The following LDLRAD4 variants were observed in gnomAD, a reference collection of about 807,000 sequenced individuals.
LDLRAD4 encodes low-density lipoprotein receptor class A domain-containing protein 4.
LDLRAD4 carries 5 observed loss-of-function variants against 17.0 expected under a neutral mutation model. The ratio of observed to expected loss-of-function variants is 0.29; its 90% CI spans 0.15 to 0.62. The LOEUF is 0.62. LDLRAD4 is among the 20% of genes least tolerant of loss of function. The probability of loss-of-function intolerance (pLI) is 0.84; values close to 1 mark genes in which losing one functional copy is unlikely to be tolerated. For missense variants in LDLRAD4, 340 were observed against 424.7 expected, an observed-to-expected ratio of 0.80 and a Z score of 1.75; for synonymous variants, 168 against 171.8, an observed-to-expected ratio of 0.98 and a Z score of 0.17.
intron 2 of LDLRAD4, among the ~76,000 whole-genome samples, chr18:13,389,474 G>A (rs1439147897): frequency 1.3e-5 from 2 of 152,190 alleles, no homozygotes; most frequent in East Asian, 3.9e-4. Flanking sequence ...AGGCAGCTGG[G>A]GAGGAGCGGC....
intron 3 of LDLRAD4, chr18:13,521,006 A>C (rs1444940693): frequency 6.6e-6 from 1 of 152,224 alleles, no homozygotes; most frequent in African/African-American, 2.4e-5. Context: ...AAGACTCGCC[A>C]TTGGAGGTAG....
At chr18:13,382,728 G>A (rs1038788198) in intron 1 of LDLRAD4, 1 of 152,318 alleles carries the variant, frequency 6.6e-6, no homozygotes, top group African/African-American at 2.4e-5. Context: ...TGCGTCCTGG[G>A]TAAGTTGCCT....
intron 4 of LDLRAD4, among the ~76,000 whole-genome samples, chr18:13,626,524 A>G (rs1397323388): frequency 6.6e-6 from 1 of 152,186 alleles, no homozygotes; most frequent in Non-Finnish European, 1.5e-5. Flanking sequence ...AGGGACAGGG[A>G]CCTTTACCCA....
chr18:13,642,128 G>GTA (rs2042627169), intron 4 of LDLRAD4: 1 of 985,524 alleles, frequency 1.0e-6, no homozygotes, highest in African/African-American at 1.7e-5. Context: ...CTGGACCGCC[G>GTA]TATACGTTTG....
At position 13,455,438 on chromosome 18, in the gene LDLRAD4, G is replaced by A. The variant is rs139231864; in HGVS notation, c.181+17054G>A. ...GTTTGATGTGACATCTATGAGGCCC[G>A]TAAAGGTCATGAGATGCCCTTGGGT... is the stretch of plus-strand genomic sequence containing the variant. On this transcript the variant is annotated intron_variant, in intron 3 of 5. Coordinates refer to ENST00000359446, the Ensembl canonical transcript of LDLRAD4. Among the ~76,000 whole-genome samples the A allele has an allele frequency of 2.9e-3, 436 of 152,286 alleles. 2 individuals carry two copies. Among genetic ancestry groups the A allele is most frequent in the Middle Eastern group, 0.01 (3 of 294 alleles).
At chr18:13,455,389 G>T (rs2092072603) in intron 3 of LDLRAD4, among the ~76,000 whole-genome samples, 1 of 152,206 alleles carries the variant, frequency 6.6e-6, no homozygotes, top group South Asian at 2.1e-4. Flanking sequence ...ATTGTCTCAA[G>T]TGGGATGTGG....
At chr18:13,484,703 A>G (rs1432083702) in intron 3 of LDLRAD4, among the ~76,000 whole-genome samples, 1 of 152,186 alleles carries the variant, frequency 6.6e-6, no homozygotes, top group African/African-American at 2.4e-5. Flanking sequence ...AATTAAAAAG[A>G]TCTGACTCCC....
At chr18:13,297,955 C>G (rs1303396055) in intron 1 of LDLRAD4, among the ~76,000 whole-genome samples, 1 of 152,228 alleles carries the variant, frequency 6.6e-6, no homozygotes, top group African/African-American at 2.4e-5. Context: ...TGGGCCCTCT[C>G]TTAGTTATAG....
chr18:13,466,306 A>G (rs1253896739), intron 3 of LDLRAD4, among the ~76,000 whole-genome samples: 1 of 151,968 alleles, frequency 6.6e-6, no homozygotes, highest in Non-Finnish European at 1.5e-5. Context: ...GCCTGTTTCT[A>G]CAAAAAATAC....
intron 4 of LDLRAD4, among the ~76,000 whole-genome samples, chr18:13,638,842 T>A (rs576754320): frequency 6.6e-6 from 1 of 152,210 alleles, no homozygotes; most frequent in Non-Finnish European, 1.5e-5. Flanking sequence ...CTCCCAGCCC[T>A]TGGGGACATG....
chr18:13,283,670 C>T (rs2045425829), intron 1 of LDLRAD4, among the ~76,000 whole-genome samples: 1 of 152,214 alleles, frequency 6.6e-6, no homozygotes, highest in African/African-American at 2.4e-5. Context: ...TTCTTCTGAG[C>T]CCTTCAAACT....
chr18:13,530,084 T>C (rs1345696969), intron 3 of LDLRAD4, among the ~76,000 whole-genome samples: 2 of 152,218 alleles, frequency 1.3e-5, no homozygotes, highest in African/African-American at 4.8e-5. Flanking sequence ...TGCCCGATCA[T>C]AAAATTCACA....
chr18:13,295,420 G>A (rs1454947203), intron 1 of LDLRAD4, among the ~76,000 whole-genome samples: 1 of 152,200 alleles, frequency 6.6e-6, no homozygotes, highest in African/African-American at 2.4e-5. Flanking sequence ...AGTGGCTCCT[G>A]TGTGTGGAAG....
At chr18:13,503,097 T>G (rs2093638275) in intron 3 of LDLRAD4, among the ~76,000 whole-genome samples, 1 of 152,228 alleles carries the variant, frequency 6.6e-6, no homozygotes, top group Non-Finnish European at 1.5e-5. Context: ...GTGGTTTATC[T>G]ATGGCCACCA....
chr18:13,348,037 G>A (rs2144292130), intron 1 of LDLRAD4, among the ~76,000 whole-genome samples: 1 of 152,308 alleles, frequency 6.6e-6, no homozygotes, highest in East Asian at 1.9e-4. Context: ...TTAGCTCAGA[G>A]TAGTTTGATC....
intron 3 of LDLRAD4, chr18:13,488,544 C>A: frequency 6.6e-6 from 1 of 152,380 alleles, no homozygotes; most frequent in Non-Finnish European, 1.5e-5. Flanking sequence ...CCCAGGCAGC[C>A]CTGTGCACTA....
At position 13,427,142 on chromosome 18, in the gene LDLRAD4, C is replaced by T. The variant is rs112048420; in HGVS notation, c.41-11102C>T. 4.0e-3 allele frequency among the ~76,000 whole-genome samples: 602 copies of T among 152,172 alleles called. 6 individuals carry two copies. The highest frequency in any genetic ancestry group is 0.013 in the African/African-American group (545 of 41,512). ...CGGAGATTGCAGTGAGCCGAGATTGCGCCACTGCACTCCAGCCTGGCAACA... is the reference window on the plus strand; with the variant it reads ...CGGAGATTGCAGTGAGCCGAGATTGTGCCACTGCACTCCAGCCTGGCAACA... On this transcript the variant is annotated intron_variant, in intron 2 of 5. Coordinates refer to ENST00000359446, the Ensembl canonical transcript of LDLRAD4.
intron 4 of LDLRAD4, among the ~76,000 whole-genome samples, chr18:13,640,175 C>T (rs2042412454): frequency 6.6e-6 from 1 of 151,390 alleles, no homozygotes; most frequent in Admixed American, 6.6e-5. Context: ...CGCCTGTAGT[C>T]CCATCTACTC....
rs570324171 is a variant in LDLRAD4 at position 13,442,329 on chromosome 18, C to T, written c.181+3945C>T. 1.6e-4 allele frequency among the ~76,000 whole-genome samples: 24 copies of T among 152,174 alleles called. No homozygotes were observed. In the East Asian group the frequency reaches 4.4e-3, roughly 28 times the overall value. On this transcript the variant is annotated intron_variant, in intron 3 of 5. Coordinates refer to ENST00000359446, the Ensembl canonical transcript of LDLRAD4. ...TGAGGGCCGAGCGGGTCCAGTCATT[C>T]GTAGTTCAGGGGATAGAGAGATTCA... is the stretch of plus-strand genomic sequence containing the variant.
Sources: allele counts gnomAD v4.1 joint callset (sites outside exome capture counted in the v4.1 genomes callset), GRCh38; gene constraint gnomAD v4.1.1; transcripts MANE v1.5; gene names NCBI Gene and HGNC (gene_info 2026-07-23, HGNC 2026-07-21).